The following CFAP299 variants were observed in gnomAD, a reference collection of about 807,000 sequenced individuals.
CFAP299 encodes cilia- and flagella-associated protein 299.
Under a neutral mutation model 27.0 loss-of-function variants are expected in CFAP299, and 21 were observed. The observed-to-expected ratio is 0.78, with a 90% CI of 0.55 to 1.12. The LOEUF (loss-of-function observed/expected upper bound fraction) is 1.12. Ranked by LOEUF, CFAP299 falls within the 50% of genes most tolerant of loss-of-function variation. The pLI is 0.00. For synonymous variants in CFAP299, 104 were observed against 98.1 expected (o/e 1.06, Z -0.36); for missense variants, 310 against 276.6 (o/e 1.12, Z -0.86).
intron 3 of CFAP299, among the ~76,000 whole-genome samples, chr4:80,677,877 A>T (rs1001216638): frequency 1.3e-5 from 2 of 152,086 alleles, no homozygotes; most frequent in Non-Finnish European, 2.9e-5. Context: ...GATAAATTCC[A>T]TTTATAAAAA....
At chr4:80,819,815 ATTAAG>A (rs1465665804) in intron 3 of CFAP299, among the ~76,000 whole-genome samples, 1 of 152,160 alleles carries the variant, frequency 6.6e-6, no homozygotes, top group Non-Finnish European at 1.5e-5. Context: ...AGAGCCTTAT[ATTAAG>A]TTTAGACTCT....
chr4:80,763,232 A>G (rs1234082583), intron 3 of CFAP299, among the ~76,000 whole-genome samples: 4 of 152,210 alleles, frequency 2.6e-5, no homozygotes, highest in Admixed American at 1.3e-4. Context: ...AATCTCCTTA[A>G]GCTGATAAGC....
chr4:80,365,379 C>T lies in CFAP299; in HGVS notation c.242+2495C>T, dbSNP rs112532725. ...AGCTTTTTCTTATATGTTTGTTGGC[C>T]GCATGTATGTCTTCTTTTGAAAAGT... is the stretch of plus-strand genomic sequence containing the variant. On this transcript the variant is annotated intron_variant, in intron 2 of 5. Transcript: ENST00000358105. Among the ~76,000 whole-genome samples, 916 of 152,134 alleles carry T rather than the reference C, an allele frequency of 6.0e-3. 8 individuals carry two copies. The highest frequency in any genetic ancestry group is 0.024 in the Middle Eastern group (7 of 294).
intron 5 of CFAP299, among the ~76,000 whole-genome samples, chr4:80,949,548 A>ACAAC (rs68052915): frequency 2.0e-4 from 29 of 144,276 alleles, no homozygotes; most frequent in Admixed American, 1.3e-3. Flanking sequence ...AACAACAACA[A>ACAAC]AAAAAAAAAG....
chr4:80,738,040 A>T (rs759031562), intron 3 of CFAP299, among the ~76,000 whole-genome samples: 1 of 152,220 alleles, frequency 6.6e-6, no homozygotes, highest in Admixed American at 6.6e-5. Context: ...ATAGTTTTCA[A>T]AATTCCACTT....
intron 2 of CFAP299, chr4:80,387,062 G>C: frequency 7.0e-7 from 1 of 1,426,870 alleles, no homozygotes; most frequent in Non-Finnish European, 9.9e-7. Flanking sequence ...AGTGTGGGCA[G>C]GGGAAGTTGT....
At chr4:80,736,130 G>C (rs560742272) in intron 3 of CFAP299, among the ~76,000 whole-genome samples, 8 of 152,142 alleles carry the variant, frequency 5.3e-5, no homozygotes, top group African/African-American at 1.9e-4. Flanking sequence ...CATTGCTTTT[G>C]GTGTTTTAGA....
chr4:80,764,103 G>A (rs1460503032), intron 3 of CFAP299, among the ~76,000 whole-genome samples: 2 of 152,068 alleles, frequency 1.3e-5, no homozygotes, highest in African/African-American at 2.4e-5. Flanking sequence ...TTGACAAATG[G>A]GATCTAATTA....
intron 2 of CFAP299, among the ~76,000 whole-genome samples, chr4:80,532,164 C>A (rs912544006): frequency 2.0e-5 from 3 of 152,108 alleles, no homozygotes; most frequent in Non-Finnish European, 4.4e-5. Flanking sequence ...AGATTTGAGC[C>A]ATAGAGAAGC....
chr4:80,665,388 C>T (rs185547676), intron 3 of CFAP299, among the ~76,000 whole-genome samples: 2 of 152,166 alleles, frequency 1.3e-5, no homozygotes, highest in East Asian at 3.9e-4. Flanking sequence ...GTATTCCTTT[C>T]CACATTTTCT....
chr4:80,845,507 A>T (rs1307319044), intron 3 of CFAP299, among the ~76,000 whole-genome samples: 1 of 152,152 alleles, frequency 6.6e-6, no homozygotes, highest in Non-Finnish European at 1.5e-5. Context: ...ACTACTGCTC[A>T]GCCACATTGA....
At chr4:80,363,726 T>C (rs1013305631) in intron 2 of CFAP299, among the ~76,000 whole-genome samples, 2 of 152,186 alleles carry the variant, frequency 1.3e-5, no homozygotes, top group Admixed American at 1.3e-4. Context: ...TTTAACATAC[T>C]GATATTTGGG....
chr4:80,660,581 A>G (rs1272974558), intron 3 of CFAP299, among the ~76,000 whole-genome samples: 2 of 152,168 alleles, frequency 1.3e-5, no homozygotes, highest in Non-Finnish European at 1.5e-5. Context: ...CTGTTAATAT[A>G]ATTAAGTGTT....
At chr4:80,409,728 G>A (rs1164942076) in intron 2 of CFAP299, among the ~76,000 whole-genome samples, 4 of 152,158 alleles carry the variant, frequency 2.6e-5, no homozygotes, top group African/African-American at 9.7e-5. Context: ...ATTATTTGAA[G>A]CACCTGAAAT....
Position 80,662,411 on chromosome 4 carries a change from GAA to G in CFAP299, c.333+79241_333+79242del, listed in dbSNP as rs5859731. Among the ~76,000 whole-genome samples the G allele has an allele frequency of 5.6e-3, 811 of 143,886 alleles. 1 individual carries two copies. The highest frequency in any genetic ancestry group is 8.1e-3 in the Non-Finnish European group (530 of 65,782). 94.4% of individuals were successfully genotyped at this position (143,886 alleles called of 152,430 possible). ...GAAATATTGGGTGTGAATTTCCCCC[GAA>G]AAAAAAAAAAAAGTGTTGATGGGTT... On this transcript the variant is annotated intron_variant, in intron 3 of 5. Coordinates refer to ENST00000358105, the MANE Select transcript of CFAP299 (RefSeq NM_152770.3).
At chr4:80,385,773 T>C (rs1724941760) in intron 2 of CFAP299, among the ~76,000 whole-genome samples, 1 of 152,200 alleles carries the variant, frequency 6.6e-6, no homozygotes, top group Non-Finnish European at 1.5e-5. Flanking sequence ...CCAAAGAGTT[T>C]ATGGCAGGCT....
At chr4:80,506,366 G>A (rs963535521) in intron 2 of CFAP299, among the ~76,000 whole-genome samples, 15 of 152,030 alleles carry the variant, frequency 9.9e-5, no homozygotes, top group African/African-American at 3.6e-4. Flanking sequence ...TAGGAGTTGC[G>A]TGCATGCAAA....
chr4:80,765,213 A>C (rs1404011331), intron 3 of CFAP299, among the ~76,000 whole-genome samples: 4 of 152,186 alleles, frequency 2.6e-5, no homozygotes, highest in Non-Finnish European at 4.4e-5. Context: ...CTATCTGAAA[A>C]ATCAAAACTC....
At chr4:80,820,772 A>T (rs902679358) in intron 3 of CFAP299, among the ~76,000 whole-genome samples, 11 of 152,198 alleles carry the variant, frequency 7.2e-5, no homozygotes, top group African/African-American at 2.7e-4. Flanking sequence ...TGCCCAGCAC[A>T]CATTAGTGTT....
Sources: allele counts gnomAD v4.1 joint callset (sites outside exome capture counted in the v4.1 genomes callset), GRCh38; gene constraint gnomAD v4.1.1; transcripts MANE v1.5; gene names NCBI Gene and HGNC (gene_info 2026-07-23, HGNC 2026-07-21).